The following SLC3A2 variants were observed in gnomAD, a reference collection of about 807,000 sequenced individuals.
The protein encoded by SLC3A2 is solute carrier family 3 member 2.
SLC3A2 carries 32 observed loss-of-function variants against 48.5 expected under a neutral mutation model. The observed-to-expected ratio is 0.66, with a 90% CI of 0.50 to 0.89. SLC3A2 has a LOEUF of 0.89. SLC3A2 is among the 40% of genes least tolerant of loss of function. The pLI is 0.00. For synonymous variants in SLC3A2, 277 were observed against 288.8 expected, an observed-to-expected ratio of 0.96 and a Z score of 0.41; for missense variants, 587 against 680.7, an observed-to-expected ratio of 0.86 and a Z score of 1.53.
intron 1 of SLC3A2, among the ~76,000 whole-genome samples, chr11:62,871,240 C>CTT (rs747198908): frequency 1.7e-5 from 2 of 118,536 alleles, no homozygotes; most frequent in Non-Finnish European, 3.6e-5. Context: ...TAGGGCTTAT[C>CTT]TTTTTTTTTT....
intron 7 of SLC3A2, among the ~76,000 whole-genome samples, chr11:62,885,988 GT>G (rs1334240723): frequency 1.3e-5 from 2 of 152,180 alleles, no homozygotes; most frequent in Non-Finnish European, 2.9e-5. Flanking sequence ...AGATAAATAA[GT>G]GGAGAAGTAC....
chr11:62,858,670 C>T (rs1416520504), intron 1 of SLC3A2, among the ~76,000 whole-genome samples: 2 of 152,284 alleles, frequency 1.3e-5, no homozygotes, highest in Non-Finnish European at 2.9e-5. Context: ...CCGCCAGCCT[C>T]TGAGTTCCCT....
In SLC3A2 at chr11:62,888,853, A is replaced by G. The variant is rs892888836; in HGVS notation, c.*160A>G. 11 of 665,654 alleles carry G rather than the reference A, an allele frequency of 1.7e-5. No homozygotes were observed. Among genetic ancestry groups the G allele is most frequent in the African/African-American group, 1.5e-4 (8 of 55,060 alleles). 41.2% of individuals were successfully genotyped at this position (665,654 alleles called of 1,614,324 possible). A position where few individuals can be genotyped will look rare whatever the true frequency, so the allele number is the denominator to read the frequency against. ...GCCTTCAAATAAAAGTCACCCCTGC[A>G]TGGTGAAGTCTTCCCTCTGCTTCTC... On this transcript the variant is annotated 3_prime_UTR_variant, in exon 9 of 9. Coordinates refer to ENST00000338663, the MANE Select transcript of SLC3A2 (RefSeq NM_001013251.3).
At position 62,885,205 on chromosome 11, in the gene SLC3A2, G is replaced by C. The variant is rs751067361; in HGVS notation, c.847G>C (p.Asp283His). 1.2e-6 allele frequency: 2 copies of C among 1,613,942 alleles called. No homozygotes were observed. Among genetic ancestry groups the C allele is most frequent in the African/African-American group, 2.7e-5 (2 of 74,898 alleles). The stretch of plus-strand genomic sequence containing the variant: ...CTTGATTGCGGGGACTAACTCCTCC[G>C]ACCTTCAGCAGATCCTGAGCCTACT... ...RLLIAGTNSS[D>H]LQQILSLLES... Residue 283 changes from aspartate to histidine, a missense_variant, in exon 6 of 9, where the codon GAC becomes CAC. Physicochemically the swap from Asp to His is moderately conservative, Grantham distance 81. Coordinates refer to ENST00000338663, the MANE Select transcript of SLC3A2 (RefSeq NM_001013251.3).
In SLC3A2 at chr11:62,888,543, C is replaced by T. The variant is rs143862119; in HGVS notation, c.1440C>T (p.Ser480=). Reference sequence around the variant, plus strand: ...GCCTCTCGGCTGGACTGCAGGCCTCCGACCTGCCTGCCAGCGCCAGCCTGC... The same window carrying T: ...GCCTCTCGGCTGGACTGCAGGCCTCTGACCTGCCTGCCAGCGCCAGCCTGC... ...DVGLSAGLQA[S]DLPASASLPA... Residue 480 remains serine (S), a synonymous_variant, in exon 9 of 9, where the codon TCC becomes TCT. Coordinates refer to ENST00000338663, the MANE Select transcript of SLC3A2 (RefSeq NM_001013251.3). 359 of 1,614,004 alleles carry T rather than the reference C, an allele frequency of 2.2e-4. No homozygotes were observed. Among genetic ancestry groups the T allele is most frequent in the Non-Finnish European group, 2.7e-4 (313 of 1,180,028 alleles).
chr11:62,871,106 ACTC>A (rs2085511137), intron 1 of SLC3A2, among the ~76,000 whole-genome samples: 1 of 149,764 alleles, frequency 6.7e-6, no homozygotes, highest in African/African-American at 2.5e-5. Flanking sequence ...CTGGTCTTAA[ACTC>A]CTGACCTTGT....
At chr11:62,856,452 A>G (rs888582258) in intron 1 of SLC3A2, 3 of 1,330,904 alleles carry the variant, frequency 2.3e-6, no homozygotes, top group Non-Finnish European at 3.2e-6. Flanking sequence ...GTATGTCAGG[A>G]CGTAAGTGCT....
intron 7 of SLC3A2, 155 bp from the exon 8 acceptor site, chr11:62,887,980 G>A (rs2135022813): frequency 1.6e-6 from 1 of 625,382 alleles, no homozygotes; most frequent in South Asian, 2.0e-5. Flanking sequence ...TTTTGTAGTA[G>A]AGATGAGGGC....
At chr11:62,864,782 G>A (rs942125621) in intron 1 of SLC3A2, among the ~76,000 whole-genome samples, 5 of 127,416 alleles carry the variant, frequency 3.9e-5, no homozygotes, top group African/African-American at 1.2e-4. Flanking sequence ...TTTTTTTTTT[G>A]TTTTGAGACA....
At chr11:62,866,084 G>A (rs1484251123) in intron 1 of SLC3A2, among the ~76,000 whole-genome samples, 2 of 150,056 alleles carry the variant, frequency 1.3e-5, no homozygotes, top group African/African-American at 4.9e-5. Flanking sequence ...AGTATAGTAC[G>A]TATATCTATT....
chr11:62,863,224 A>G (rs1030539228), intron 1 of SLC3A2, among the ~76,000 whole-genome samples: 1 of 151,732 alleles, frequency 6.6e-6, no homozygotes, highest in African/African-American at 2.4e-5. Flanking sequence ...CTGGGCCTCA[A>G]TTTCTTTTCT....
rs772779788 is a variant in SLC3A2 at position 62,881,135 on chromosome 11, G to C, written c.112G>C (p.Glu38Gln). ...SGAAMSLAGAEKNGLVKIKVA... is the reference protein window; with the variant it reads ...SGAAMSLAGAQKNGLVKIKVA... ...GGCGGCCATGTCCCTGGCGGGAGCC[G>C]AGAAGAATGGTCTGGTGAAGATCAA... The change falls in exon 1 of 9, where the codon GAG (glutamate) becomes CAG (glutamine). Residue 38 changes from glutamate to glutamine, a missense_variant. Transcript: ENST00000338663. This position sits in a 1 kb window ranked among gnomAD's most constrained non-coding sequence, Gnocchi z 4.0. 59 of 1,604,238 alleles carry C rather than the reference G, an allele frequency of 3.7e-5. No individual in the cohort carries two copies. In the Admixed American group the frequency reaches 6.3e-4, roughly 17 times the overall value.
rs752987336 is a variant in SLC3A2 at position 62,870,849 on chromosome 11, AATAATAATTATT to A, written c.113-10167_113-10156del. The A allele has an allele frequency of 4.1e-3, 592 of 143,316 alleles. 11 individuals carry two copies. Among genetic ancestry groups the A allele is most frequent in the Middle Eastern group, 0.019 (8 of 432 alleles). 8.9% of individuals were successfully genotyped at this position (143,316 alleles called of 1,614,324 possible). Reference sequence around the variant, plus strand: ...TGCCGAGATGATAGGTAATAATAATAATAATAATTATTATTATTATTATTATTATTATTATTA... The same window carrying A: ...TGCCGAGATGATAGGTAATAATAATAATTATTATTATTATTATTATTATTA... On this transcript the variant is annotated intron_variant, in intron 1 of 9. Transcript: ENST00000377889.
chr11:62,888,742 C>T lies in SLC3A2; in HGVS notation c.*49C>T, dbSNP rs1590641046. On this transcript the variant is annotated 3_prime_UTR_variant, in exon 9 of 9. Transcript: ENST00000338663. ...ACCCTTCTCCTTTCCTTCCCAGGCC[C>T]TTTGGCTTCTGATTTTTCTCTTTTT... 4.1e-6 allele frequency: 6 copies of T among 1,474,810 alleles called. No individual in the cohort carries two copies. The highest frequency in any genetic ancestry group is 5.4e-6 in the Non-Finnish European group (6 of 1,104,972). The allele number at this position is 1,474,810 out of a possible 1,614,324, so 91.4% of individuals were successfully genotyped here. A position where few individuals can be genotyped will look rare whatever the true frequency, so the allele number is the denominator to read the frequency against.
At chr11:62,860,295 T>C (rs2085385511) in intron 1 of SLC3A2, among the ~76,000 whole-genome samples, 1 of 150,758 alleles carries the variant, frequency 6.6e-6, no homozygotes, top group African/African-American at 2.4e-5. Flanking sequence ...AGGTCAGGAG[T>C]TCGAGACCAT....
At chr11:62,867,568 C>T (rs1341509786) in intron 1 of SLC3A2, among the ~76,000 whole-genome samples, 2 of 151,728 alleles carry the variant, frequency 1.3e-5, no homozygotes, top group Non-Finnish European at 2.9e-5. Context: ...TTTTGATCTG[C>T]CTATCTCTGC....
At chr11:62,879,877 G>A (rs1016339115), upstream of SLC3A2, among the ~76,000 whole-genome samples, 1 of 152,218 alleles carries the variant, frequency 6.6e-6, no homozygotes, top group Admixed American at 6.5e-5. Context: ...ACCCTGTGGA[G>A]GGAATTCTAG....
In SLC3A2 at chr11:62,881,127, C is replaced by G. The variant is rs771623889; in HGVS notation, c.104C>G (p.Ala35Gly). 1 of 1,606,012 alleles carries G rather than the reference C, an allele frequency of 6.2e-7. No individual in the cohort carries two copies. Among genetic ancestry groups the G allele is most frequent in the Non-Finnish European group, 8.5e-7 (1 of 1,177,306 alleles). The change falls in exon 1 of 9, where the codon GCG (alanine) becomes GGG (glycine). Residue 35 changes from alanine to glycine, a missense_variant. Physicochemically the swap from Ala to Gly is moderately conservative, Grantham distance 60. Around this residue, in one of 3 missense-constraint regions of SLC3A2, gnomAD observed 409 missense variants for 446.7 expected, o/e 0.92. Coordinates refer to ENST00000338663, the MANE Select transcript of SLC3A2 (RefSeq NM_001013251.3). This position sits in a 1 kb window ranked among gnomAD's most constrained non-coding sequence, Gnocchi z 4.0. ...NAASGAAMSL[A>G]GAEKNGLVKI... is the part of the protein sequence containing the mutation. ...GCGTCTGGGGCGGCCATGTCCCTGG[C>G]GGGAGCCGAGAAGAATGGTCTGGTG...
exon 1 of SLC3A2, chr11:62,856,151 C>T: frequency 4.1e-6 from 3 of 724,082 alleles, no homozygotes; most frequent in Non-Finnish European, 6.6e-6. Flanking sequence ...GTGGCAGGAG[C>T]GGTGAGATCA....
Sources: allele counts gnomAD v4.1 joint callset (sites outside exome capture counted in the v4.1 genomes callset), GRCh38; gene constraint gnomAD v4.1.1; regional missense constraint gnomAD v4.1.1; non-coding constraint Gnocchi (gnomAD v3.1); transcripts MANE v1.5; gene names NCBI Gene and HGNC (gene_info 2026-07-23, HGNC 2026-07-21).